The following KIF25 variants were observed in gnomAD, a reference collection of about 807,000 sequenced individuals.
KIF25 encodes the protein kinesin family member 25.
KIF25 carries 19 observed loss-of-function variants against 32.9 expected under a neutral mutation model. The observed-to-expected ratio is 0.58, with a 90% confidence interval of 0.40 to 0.85. The LOEUF (loss-of-function observed/expected upper bound fraction) is 0.85, where lower values mean the gene tolerates loss of function less well. Ranked by LOEUF, KIF25 falls within the 40% of genes least tolerant of loss-of-function variation. KIF25 has a pLI of 0.00. For missense variants in KIF25, 485 were observed against 507.0 expected (o/e 0.96, Z 0.42); for synonymous variants, 225 against 213.7 (o/e 1.05, Z -0.46).
intron 4 of KIF25, among the ~76,000 whole-genome samples, chr6:168,007,724 TA>T (rs1798597110): frequency 6.6e-6 from 1 of 152,152 alleles, no homozygotes; most frequent in Admixed American, 6.5e-5. Context: ...GAATCAGAGT[TA>T]GGGATTTTCC....
At chr6:168,005,155 G>A (rs141127049) in intron 4 of KIF25, among the ~76,000 whole-genome samples, 1 of 152,290 alleles carries the variant, frequency 6.6e-6, no homozygotes, top group East Asian at 1.9e-4. Flanking sequence ...TGGCATGCAC[G>A]AGCTGACTGT....
intron 4 of KIF25, among the ~76,000 whole-genome samples, chr6:168,016,676 G>T (rs1255057736): frequency 6.6e-6 from 1 of 152,248 alleles, no homozygotes; most frequent in Non-Finnish European, 1.5e-5. Context: ...TGGCTTCGGT[G>T]ACTTCATCTG....
At chr6:168,008,224 T>G (rs1373612665) in intron 4 of KIF25, among the ~76,000 whole-genome samples, 2 of 152,218 alleles carry the variant, frequency 1.3e-5, no homozygotes, top group Admixed American at 1.3e-4. Flanking sequence ...ATTTAGGCCT[T>G]TGATCCATTT....
chr6:168,028,988 C>T (rs1798902899), intron 5 of KIF25, among the ~76,000 whole-genome samples: 1 of 152,050 alleles, frequency 6.6e-6, no homozygotes, highest in Admixed American at 6.6e-5. Flanking sequence ...TTTGTCTTTT[C>T]ATTTTGGATT....
chr6:168,006,478 C>T (rs1320219595), intron 4 of KIF25, among the ~76,000 whole-genome samples: 2 of 152,184 alleles, frequency 1.3e-5, no homozygotes, highest in Non-Finnish European at 2.9e-5. Context: ...GTCTGTGAAA[C>T]AAGACTGGCC....
chr6:168,037,140 CAG>C (rs1255141882), intron 8 of KIF25, among the ~76,000 whole-genome samples: 2 of 152,236 alleles, frequency 1.3e-5, no homozygotes, highest in Non-Finnish European at 2.9e-5. Flanking sequence ...TGCACACACT[CAG>C]AGTGTTCTCA....
intron 6 of KIF25, chr6:168,030,483 C>T: frequency 1.4e-5 from 2 of 146,978 alleles, no homozygotes; most frequent in African/African-American, 5.1e-5. Flanking sequence ...CCTTTCCCCT[C>T]CCGCTCTTCC....
chr6:168,038,044 G>T (rs1275596984), intron 8 of KIF25, among the ~76,000 whole-genome samples: 1 of 152,188 alleles, frequency 6.6e-6, no homozygotes, highest in East Asian at 1.9e-4. Context: ...GCCCGAGCTG[G>T]TTTTACGGGT....
chr6:168,016,837 G>C (rs1798721357), intron 4 of KIF25, among the ~76,000 whole-genome samples: 1 of 152,264 alleles, frequency 6.6e-6, no homozygotes, highest in South Asian at 2.1e-4. Context: ...TGGGCATGGG[G>C]CAGGGAGCAA....
At chr6:168,031,910 C>G (rs1197428186) in intron 7 of KIF25, among the ~76,000 whole-genome samples, 1 of 152,186 alleles carries the variant, frequency 6.6e-6, no homozygotes, top group East Asian at 1.9e-4. Context: ...CCAGGAGGTC[C>G]TGAGAGCACA....
chr6:168,018,253 C>T (rs1317242866), intron 5 of KIF25, among the ~76,000 whole-genome samples: 5 of 152,164 alleles, frequency 3.3e-5, no homozygotes, highest in African/African-American at 1.2e-4. Context: ...GTGCCCATTA[C>T]AACCCTTCTG....
chr6:168,038,779 C>T (rs886945797), intron 9 of KIF25, 50 bp downstream of exon 9: 8 of 1,569,712 alleles, frequency 5.1e-6, no homozygotes, highest in South Asian at 1.1e-5. Flanking sequence ...GAGAATGGCA[C>T]CTGCCCCTCC....
At chr6:168,033,281 C>T (rs147806008) in intron 7 of KIF25, among the ~76,000 whole-genome samples, 5,830 of 152,244 alleles carry the variant, frequency 0.038, 113 homozygotes, top group Non-Finnish European at 0.049. Flanking sequence ...AGGAGGATCC[C>T]TTGAGTCCAG....
intron 4 of KIF25, among the ~76,000 whole-genome samples, chr6:168,015,263 T>C (rs1292562274): frequency 6.6e-6 from 1 of 152,182 alleles, no homozygotes; most frequent in Non-Finnish European, 1.5e-5. Flanking sequence ...GTCTGCATGT[T>C]GCTCACGGGT....
intron 12 of KIF25, among the ~76,000 whole-genome samples, chr6:168,044,085 C>T (rs146243623): frequency 3.3e-5 from 5 of 152,314 alleles, no homozygotes; most frequent in South Asian, 2.1e-4. Flanking sequence ...TCCCAATTCC[C>T]GGGACACAGG....
At chr6:168,022,522 C>T (rs574846493) in intron 5 of KIF25, among the ~76,000 whole-genome samples, 1 of 152,208 alleles carries the variant, frequency 6.6e-6, no homozygotes, top group East Asian at 1.9e-4. Flanking sequence ...AACTCTTGGC[C>T]TCAAGTGATT....
chr6:168,039,998 C>A (rs1799091771), intron 9 of KIF25, 67 bp from the exon 10 acceptor site: 2 of 1,532,326 alleles, frequency 1.3e-6, no homozygotes, highest in African/African-American at 1.4e-5. Flanking sequence ...GCCGAGGAGT[C>A]TTGGAAGTCG....
intron 8 of KIF25, among the ~76,000 whole-genome samples, chr6:168,034,583 C>G (rs1421132387): frequency 6.6e-6 from 1 of 152,102 alleles, no homozygotes; most frequent in Non-Finnish European, 1.5e-5. Context: ...TGAAAGAGAT[C>G]CCGAGTTACA....
chr6:168,000,226 C>G (rs13206527), intron 2 of KIF25, among the ~76,000 whole-genome samples: 3 of 99,354 alleles, frequency 3.0e-5, no homozygotes, highest in South Asian at 4.0e-4. Flanking sequence ...ACCACACCTG[C>G]CCCTCCCCAC....
Sources: allele counts gnomAD v4.1 joint callset (sites outside exome capture counted in the v4.1 genomes callset), GRCh38; gene constraint gnomAD v4.1.1; transcripts MANE v1.5; gene names NCBI Gene and HGNC (gene_info 2026-07-23, HGNC 2026-07-21).